The following ETV6 variants were observed in gnomAD, a reference collection of about 807,000 sequenced individuals.
ETV6 encodes the protein transcription factor ETV6.
In ETV6, 16 loss-of-function variants were observed where a neutral mutation model predicts 51.1. The observed-to-expected ratio is 0.31, with a 90% CI of 0.21 to 0.48. The LOEUF (loss-of-function observed/expected upper bound fraction) is 0.48, where lower values mean the gene tolerates loss of function less well. Ranked by LOEUF, ETV6 falls within the 20% of genes least tolerant of loss-of-function variation. ETV6 has a pLI of 0.99. For missense variants in ETV6, 458 were observed against 594.8 expected (o/e 0.77, Z 2.39); for synonymous variants, 240 against 224.1 (o/e 1.07, Z -0.64).
In ETV6 at chr12:11,865,969, T is replaced by C. The variant is rs146517974; in HGVS notation, c.464-3455T>C. On this transcript the variant is annotated intron_variant, in intron 4 of 7. Coordinates refer to ENST00000396373, the MANE Select transcript of ETV6 (RefSeq NM_001987.5). Reference sequence around the variant, plus strand: ...CATTATTTTTTAATTTATTCTACTCTGTTTTTTTCTATATTCTCCTTCTTG... The same window carrying C: ...CATTATTTTTTAATTTATTCTACTCCGTTTTTTTCTATATTCTCCTTCTTG... Among the ~76,000 whole-genome samples, 394 of 152,264 alleles carry C rather than the reference T, an allele frequency of 2.6e-3. 4 individuals carry two copies. The highest frequency in any genetic ancestry group is 0.02 in the Admixed American group (313 of 15,288).
chr12:11,839,376 C>G, intron 3 of ETV6, 72 bp downstream of exon 3: 1 of 1,434,576 alleles, frequency 7.0e-7, no homozygotes, highest in Non-Finnish European at 9.5e-7. Flanking sequence ...TTTAACACCC[C>G]TCACCCGGCC....
At chr12:11,823,481 T>G (rs1946111436) in intron 2 of ETV6, among the ~76,000 whole-genome samples, 1 of 151,560 alleles carries the variant, frequency 6.6e-6, no homozygotes, top group South Asian at 2.1e-4. Flanking sequence ...TTTTTTTTTT[T>G]TTTGAGTTGG....
intron 1 of ETV6, among the ~76,000 whole-genome samples, chr12:11,682,147 T>C (rs1043641802): frequency 6.6e-6 from 1 of 152,082 alleles, no homozygotes; most frequent in Non-Finnish European, 1.5e-5. Flanking sequence ...ATCGCCGCAC[T>C]GTCCACAATG....
At chr12:11,819,026 C>T (rs1946037167) in intron 2 of ETV6, among the ~76,000 whole-genome samples, 1 of 152,198 alleles carries the variant, frequency 6.6e-6, no homozygotes, top group South Asian at 2.1e-4. Context: ...GGCTTCTCCC[C>T]TCCTTCACAG....
chr12:11,843,464 C>T (rs1946418400), intron 3 of ETV6, among the ~76,000 whole-genome samples: 1 of 152,162 alleles, frequency 6.6e-6, no homozygotes, highest in Non-Finnish European at 1.5e-5. Flanking sequence ...TTTCCTCATC[C>T]ACAAAATGCA....
At chr12:11,784,507 A>G (rs1945455027) in intron 2 of ETV6, among the ~76,000 whole-genome samples, 1 of 152,034 alleles carries the variant, frequency 6.6e-6, no homozygotes, top group African/African-American at 2.4e-5. Context: ...GGAGCAAGCC[A>G]TGTGACTATG....
intron 2 of ETV6, among the ~76,000 whole-genome samples, chr12:11,785,753 T>G (rs1945475422): frequency 6.6e-6 from 1 of 152,222 alleles, no homozygotes; most frequent in Non-Finnish European, 1.5e-5. Context: ...CACTAAGCCA[T>G]GGAGTTGATT....
intron 1 of ETV6, among the ~76,000 whole-genome samples, chr12:11,656,644 C>G (rs1864003646): frequency 6.6e-6 from 1 of 152,126 alleles, no homozygotes; most frequent in Non-Finnish European, 1.5e-5. Flanking sequence ...ATTTTGGGCC[C>G]TTGTTGTTTT....
chr12:11,884,279 A>G (rs1024385831), intron 5 of ETV6, among the ~76,000 whole-genome samples, 166 bp from the exon 6 acceptor site: 2 of 152,190 alleles, frequency 1.3e-5, no homozygotes, highest in Non-Finnish European at 2.9e-5. Context: ...ACCTCCCTCC[A>G]TCTTTCTGGG....
At chr12:11,711,160 G>A (rs1021755154) in intron 1 of ETV6, among the ~76,000 whole-genome samples, 3 of 152,198 alleles carry the variant, frequency 2.0e-5, no homozygotes, top group Non-Finnish European at 4.4e-5. Context: ...GGAGCTCTGG[G>A]TGTCCCCAGA....
intron 2 of ETV6, among the ~76,000 whole-genome samples, chr12:11,789,495 C>CT (rs770781768): frequency 2.0e-5 from 3 of 152,116 alleles, no homozygotes; most frequent in South Asian, 4.1e-4. Context: ...CAGCTATGAC[C>CT]TTTGTTCACT....
At chr12:11,764,831 G>T (rs1481466760) in intron 2 of ETV6, among the ~76,000 whole-genome samples, 1 of 152,128 alleles carries the variant, frequency 6.6e-6, no homozygotes, top group African/African-American at 2.4e-5. Flanking sequence ...CACATGTATT[G>T]TATCATTTAA....
In ETV6 at chr12:11,894,195, G is replaced by T. The variant is rs117329147; in HGVS notation, c.*3149G>T. The T allele has an allele frequency of 1.7e-5, 4 of 232,020 alleles. No homozygotes were observed. The highest frequency in any genetic ancestry group is 3.4e-5 in the Non-Finnish European group (4 of 117,364). 14.4% of individuals were successfully genotyped at this position (232,020 alleles called of 1,614,324 possible). On this transcript the variant is annotated 3_prime_UTR_variant, in exon 8 of 8. Coordinates refer to ENST00000396373, the MANE Select transcript of ETV6 (RefSeq NM_001987.5). ...ATTGTACCTGCCTAATCCACCCGGC[G>T]TGACTCATTTCAACACTAAGTACTA...
At position 11,884,408 on chromosome 12, in the gene ETV6, A is replaced by G. The variant is rs376259476; in HGVS notation, c.1010-37A>G. 49 of 1,612,194 alleles carry G rather than the reference A, an allele frequency of 3.0e-5. No homozygotes were observed. In the East Asian group the frequency reaches 3.6e-4, roughly 12 times the overall value. ...TCTGGTTAGTGCCTCAACAAGAAACATTTTCAACAGTGTTTTCTTGCCCTT... is the reference window on the plus strand; with the variant it reads ...TCTGGTTAGTGCCTCAACAAGAAACGTTTTCAACAGTGTTTTCTTGCCCTT... On this transcript the variant is annotated intron_variant, in intron 5 of 7. Transcript: ENST00000396373.
At chr12:11,788,870 A>G (rs1052760712) in intron 2 of ETV6, among the ~76,000 whole-genome samples, 4 of 149,638 alleles carry the variant, frequency 2.7e-5, no homozygotes, top group Non-Finnish European at 5.9e-5. Flanking sequence ...GCATCCTCGT[A>G]ATCATAATTT....
intron 2 of ETV6, among the ~76,000 whole-genome samples, chr12:11,759,995 C>A (rs551946937): frequency 6.6e-6 from 1 of 152,214 alleles, no homozygotes; most frequent in Non-Finnish European, 1.5e-5. Flanking sequence ...ACGTTAGCAG[C>A]GACGTTTAGA....
chr12:11,687,077 G>C (rs1375483991), intron 1 of ETV6, among the ~76,000 whole-genome samples: 1 of 152,020 alleles, frequency 6.6e-6, no homozygotes, highest in Non-Finnish European at 1.5e-5. Flanking sequence ...GTAGAGACGG[G>C]GTTTCACCAT....
At chr12:11,836,559 AAG>A (rs1306838894) in intron 2 of ETV6, among the ~76,000 whole-genome samples, 2 of 152,080 alleles carry the variant, frequency 1.3e-5, no homozygotes, top group Non-Finnish European at 2.9e-5. Flanking sequence ...GGGAAGTGAA[AAG>A]AGAAACTGTT....
intron 1 of ETV6, 43 bp downstream of exon 1, chr12:11,650,203 G>C: frequency 6.4e-7 from 1 of 1,554,842 alleles, no homozygotes; most frequent in Non-Finnish European, 8.9e-7. Context: ...GAAACCCTGA[G>C]CTGCACCGGC....
Sources: gnomAD v4.1 joint callset for allele counts (sites outside exome capture counted in the v4.1 genomes callset) on GRCh38, gnomAD v4.1.1 for gene constraint, MANE v1.5 for transcripts, NCBI Gene and HGNC (gene_info 2026-07-23, HGNC 2026-07-21) for gene names.